DHX9: variants seen among roughly 807,000 people sequenced by gnomAD.
DHX9 encodes the protein DExH-box helicase 9, also known as ATP-dependent RNA helicase A.
A neutral mutation model predicts 148.7 loss-of-function variants in DHX9; 27 were observed. That is an observed-to-expected ratio of 0.18 (90% CI 0.13 to 0.25). The LOEUF (loss-of-function observed/expected upper bound fraction) is 0.25. DHX9 is among the 10% of genes least tolerant of loss of function. The pLI is 1.00. For missense variants in DHX9, 796 were observed against 1,559.6 expected (o/e 0.51, Z 8.25); for synonymous variants, 529 against 516.6 (o/e 1.02, Z -0.33).
chr1:182,882,277 G>A (rs1319922028), intron 24 of DHX9, among the ~76,000 whole-genome samples: 3 of 152,304 alleles, frequency 2.0e-5, no homozygotes, highest in African/African-American at 4.8e-5. Flanking sequence ...AGGCACCAAG[G>A]TATAAATTGT....
chr1:182,860,736 C>T (rs749773899), intron 12 of DHX9, among the ~76,000 whole-genome samples: 2 of 152,174 alleles, frequency 1.3e-5, no homozygotes, highest in Non-Finnish European at 2.9e-5. Flanking sequence ...AAGCAATCCG[C>T]CTTTTAGGAT....
intron 4 of DHX9, 56 bp downstream of exon 4, chr1:182,852,400 C>T: frequency 8.0e-7 from 1 of 1,250,368 alleles, no homozygotes; most frequent in South Asian, 1.4e-5. Context: ...CAATCTTGAT[C>T]ACCATCTCTG....
At chr1:182,863,309 C>T (rs1446914404) in intron 12 of DHX9, among the ~76,000 whole-genome samples, 1 of 152,052 alleles carries the variant, frequency 6.6e-6, no homozygotes, top group African/African-American at 2.4e-5. Context: ...GGCAAAATAA[C>T]CTTTTTGAAC....
At chr1:182,881,082 G>C (rs2102619540) in intron 22 of DHX9, among the ~76,000 whole-genome samples, 182 bp from the exon 23 acceptor site, 1 of 152,316 alleles carries the variant, frequency 6.6e-6, no homozygotes, top group Admixed American at 6.5e-5. Context: ...GAGCATCAGA[G>C]CATTTTTTTC....
At chr1:182,871,787 AAAGT>A (rs1648563502) in intron 14 of DHX9, among the ~76,000 whole-genome samples, 1 of 152,214 alleles carries the variant, frequency 6.6e-6, no homozygotes, top group Non-Finnish European at 1.5e-5. Context: ...GCATTCCCAT[AAAGT>A]AAGTAAAATT....
At position 182,884,828 on chromosome 1, in the gene DHX9, A is replaced by G; in HGVS notation, c.3461+15A>G. On this transcript the variant is annotated intron_variant, in intron 27 of 27. Transcript: ENST00000367549. Reference sequence around the variant, plus strand: ...GGCAGTACACGGTGAGTACCAATATACTTCTTACTGAACCAAGTAGAGGGG... The same window carrying G: ...GGCAGTACACGGTGAGTACCAATATGCTTCTTACTGAACCAAGTAGAGGGG... 1 of 1,612,536 alleles carries G rather than the reference A, an allele frequency of 6.2e-7. No individual in the cohort carries two copies.
intron 15 of DHX9, among the ~76,000 whole-genome samples, chr1:182,874,582 ATGTT>A (rs1343461014): frequency 6.6e-6 from 1 of 152,168 alleles, no homozygotes; most frequent in Non-Finnish European, 1.5e-5. Context: ...GTATAGATAA[ATGTT>A]TGATTGAATG....
intron 3 of DHX9, among the ~76,000 whole-genome samples, chr1:182,849,873 C>G (rs902188681): frequency 5.9e-5 from 9 of 151,628 alleles, no homozygotes; most frequent in African/African-American, 1.9e-4. Flanking sequence ...AACTCCTTAC[C>G]TGTGATGTGT....
chr1:182,883,129 C>A lies in DHX9; in HGVS notation c.2915-10C>A, dbSNP rs770104233. ...TCTGATTTTTGTTTTCACTGTGCTCCTCTTAACAGATTGTTTGTTGACACA... is the reference window on the plus strand; with the variant it reads ...TCTGATTTTTGTTTTCACTGTGCTCATCTTAACAGATTGTTTGTTGACACA... On this transcript the variant is annotated splice_polypyrimidine_tract_variant and intron_variant, in intron 24 of 27. Transcript: ENST00000367549. 6.2e-7 allele frequency: 1 copy of A among 1,605,074 alleles called. No homozygotes were observed. The highest frequency in any genetic ancestry group is 1.3e-5 in the African/African-American group (1 of 74,836).
intron 26 of DHX9, among the ~76,000 whole-genome samples, chr1:182,884,145 A>G (rs1649214305): frequency 6.6e-6 from 1 of 152,086 alleles, no homozygotes; most frequent in South Asian, 2.1e-4. Context: ...GTGGTAGCGC[A>G]CACCTGTAGT....
chr1:182,841,507 C>T (rs956265700), intron 1 of DHX9, among the ~76,000 whole-genome samples: 3 of 152,200 alleles, frequency 2.0e-5, no homozygotes, highest in African/African-American at 4.8e-5. Context: ...CAGCTTTCCA[C>T]GGCTTTTTTG....
intron 3 of DHX9, among the ~76,000 whole-genome samples, chr1:182,845,878 A>G (rs934841064): frequency 6.6e-6 from 1 of 152,198 alleles, no homozygotes; most frequent in African/African-American, 2.4e-5. Flanking sequence ...GGGAGCTCCC[A>G]TGCCCTGCCT....
intron 3 of DHX9, among the ~76,000 whole-genome samples, chr1:182,844,449 C>T (rs765036942): frequency 6.6e-6 from 1 of 152,218 alleles, no homozygotes; most frequent in African/African-American, 2.4e-5. Context: ...TCAAGCCATC[C>T]TCCCACTTCA....
chr1:182,853,692 G>A (rs1330450288), intron 5 of DHX9, among the ~76,000 whole-genome samples: 1 of 152,002 alleles, frequency 6.6e-6, no homozygotes, highest in Admixed American at 6.5e-5. Flanking sequence ...TTATCTCAGG[G>A]GACCTTATTT....
intron 12 of DHX9, among the ~76,000 whole-genome samples, chr1:182,863,398 C>T (rs1475084622): frequency 1.3e-5 from 2 of 152,006 alleles, no homozygotes; most frequent in African/African-American, 4.8e-5. Context: ...ATATTTGCTG[C>T]CATGGTTTTT....
chr1:182,849,789 A>G (rs532234490), intron 3 of DHX9, among the ~76,000 whole-genome samples: 123 of 152,208 alleles, frequency 8.1e-4, no homozygotes, highest in Middle Eastern at 3.4e-3. Context: ...TACTGCCTCT[A>G]CATATATCTT....
chr1:182,842,681 C>T lies in DHX9; in HGVS notation c.111+4C>T. The T allele has an allele frequency of 6.2e-7, 1 of 1,600,994 alleles. No individual in the cohort carries two copies. The highest frequency in any genetic ancestry group is 8.5e-7 in the Non-Finnish European group (1 of 1,171,244). Reference sequence around the variant, plus strand: ...CAGGCAGAAATTCATGTGTGAGGTACTGAAGAATACAGTTTGCATTTATGT... The same window carrying T: ...CAGGCAGAAATTCATGTGTGAGGTATTGAAGAATACAGTTTGCATTTATGT... On this transcript the variant is annotated splice_donor_region_variant and intron_variant, in intron 2 of 27. Coordinates refer to ENST00000367549, the MANE Select transcript of DHX9 (RefSeq NM_001357.5).
intron 24 of DHX9, among the ~76,000 whole-genome samples, chr1:182,882,716 T>C (rs1649141406): frequency 2.0e-5 from 3 of 151,856 alleles, no homozygotes; most frequent in Admixed American, 6.6e-5. Flanking sequence ...CTACAAAAAA[T>C]TAGCCGGGCG....
At chr1:182,841,108 G>A (rs373384564) in intron 1 of DHX9, among the ~76,000 whole-genome samples, 1 of 152,054 alleles carries the variant, frequency 6.6e-6, no homozygotes, top group East Asian at 1.9e-4. Context: ...TGGCCAACAC[G>A]GTGAAACCCC....
Sources: gnomAD v4.1 joint callset for allele counts (sites outside exome capture counted in the v4.1 genomes callset) on GRCh38, gnomAD v4.1.1 for gene constraint, MANE v1.5 for transcripts, NCBI Gene and HGNC (gene_info 2026-07-23, HGNC 2026-07-21) for gene names.